PYHIN1: variants seen among roughly 807,000 people sequenced by gnomAD.
The protein encoded by PYHIN1 is pyrin and HIN domain family member 1.
Under a neutral mutation model 43.7 loss-of-function variants are expected in PYHIN1, and 32 were observed. The observed-to-expected ratio is 0.73, with a 90% CI of 0.55 to 0.98. The LOEUF (loss-of-function observed/expected upper bound fraction) is 0.98, where lower values mean the gene tolerates loss of function less well. Among genes scored for constraint, PYHIN1 ranks in the 50% least tolerant of loss-of-function variants. The pLI, the probability that PYHIN1 is intolerant of heterozygous loss-of-function variation, is 0.00. For missense variants in PYHIN1, 588 were observed against 589.5 expected (o/e 1.00, Z 0.03); for synonymous variants, 205 against 203.1 (o/e 1.01, Z -0.08).
rs546611199 is a variant in PYHIN1, at chr1:158,947,283, T to C, written c.1359+2241T>C. Among the ~76,000 whole-genome samples, 4 of 152,352 alleles carry C rather than the reference T, an allele frequency of 2.6e-5. No homozygotes were observed. The South Asian group carries it at 8.3e-4, about 32-fold the overall frequency. ...ACTCAAGAGGATTACTGTCTTTTGTTGGTCCAGGTGTAGAGAGAGATTGTG... is the reference window on the plus strand; with the variant it reads ...ACTCAAGAGGATTACTGTCTTTTGTCGGTCCAGGTGTAGAGAGAGATTGTG... On this transcript the variant is annotated intron_variant, in intron 7 of 8. Transcript: ENST00000368140.
In PYHIN1 at chr1:158,953,497, A is replaced by G. The variant is rs549424145; in HGVS notation, c.1359+8455A>G. The stretch of plus-strand genomic sequence containing the variant: ...CACCCCCCAGCAGGGGCACACTGAC[A>G]CCTCACACGGCAGGGTACTCCAACA... On this transcript the variant is annotated intron_variant, in intron 7 of 8. Coordinates refer to ENST00000368140, the MANE Select transcript of PYHIN1 (RefSeq NM_152501.5). Among the ~76,000 whole-genome samples the G allele has an allele frequency of 1.3e-4, 19 of 150,332 alleles. 1 individual carries two copies. The East Asian group carries it at 3.7e-3, about 29-fold the overall frequency.
At chr1:158,968,078 A>G (rs1650729854) in intron 7 of PYHIN1, among the ~76,000 whole-genome samples, 1 of 151,944 alleles carries the variant, frequency 6.6e-6, no homozygotes, top group Admixed American at 6.6e-5. Context: ...TACAACATAA[A>G]GAAAAAATGA....
chr1:158,969,213 T>TA (rs1221371259), intron 7 of PYHIN1, among the ~76,000 whole-genome samples: 3 of 152,000 alleles, frequency 2.0e-5, no homozygotes, highest in African/African-American at 7.2e-5. Flanking sequence ...CAGACATCGT[T>TA]ATGGTTTGAG....
chr1:158,964,825 G>A (rs1057509529), intron 7 of PYHIN1, among the ~76,000 whole-genome samples: 3 of 152,032 alleles, frequency 2.0e-5, no homozygotes, highest in African/African-American at 7.2e-5. Flanking sequence ...AGCAACCACA[G>A]AAACAAGTCT....
At chr1:158,972,817 G>A (rs1483721538) in intron 7 of PYHIN1, among the ~76,000 whole-genome samples, 3 of 151,988 alleles carry the variant, frequency 2.0e-5, no homozygotes, top group African/African-American at 7.3e-5. Context: ...ATCTCTTTGT[G>A]TCCTTCACAT....
chr1:158,973,002 G>C (rs1651022434), intron 7 of PYHIN1, among the ~76,000 whole-genome samples: 3 of 152,096 alleles, frequency 2.0e-5, no homozygotes, highest in South Asian at 4.1e-4. Flanking sequence ...TTACTTACCA[G>C]TAAGTTGGAC....
intron 7 of PYHIN1, among the ~76,000 whole-genome samples, chr1:158,967,452 A>G (rs1449487633): frequency 6.6e-6 from 1 of 152,086 alleles, no homozygotes; most frequent in Non-Finnish European, 1.5e-5. Flanking sequence ...AGGAACACAA[A>G]CAAATAGGAA....
chr1:158,950,350 C>T (rs1649459438), intron 7 of PYHIN1, among the ~76,000 whole-genome samples: 2 of 152,174 alleles, frequency 1.3e-5, no homozygotes, highest in African/African-American at 2.4e-5. Context: ...CAGCATCCCC[C>T]AGGTAATGTC....
intron 7 of PYHIN1, among the ~76,000 whole-genome samples, chr1:158,973,244 T>C (rs1651039804): frequency 6.6e-6 from 1 of 152,062 alleles, no homozygotes; most frequent in Non-Finnish European, 1.5e-5. Context: ...GATTTTTCTT[T>C]ATTATTTTGT....
intron 7 of PYHIN1, among the ~76,000 whole-genome samples, chr1:158,958,653 G>T (rs904364828): frequency 2.7e-5 from 4 of 150,548 alleles, no homozygotes; most frequent in African/African-American, 4.9e-5. Flanking sequence ...TATACCTAAT[G>T]GTAGATGACG....
chr1:158,970,052 T>C (rs1241431516), intron 7 of PYHIN1, among the ~76,000 whole-genome samples: 1 of 151,870 alleles, frequency 6.6e-6, no homozygotes, highest in Non-Finnish European at 1.5e-5. Flanking sequence ...ATGATATAGG[T>C]TCATTATGCT....
chr1:158,935,184 T>C (rs1156413801), intron 1 of PYHIN1, among the ~76,000 whole-genome samples: 1 of 151,738 alleles, frequency 6.6e-6, no homozygotes, highest in East Asian at 1.9e-4. Flanking sequence ...GATAGAGGAA[T>C]GTGGGAATGG....
Position 158,937,810 on chromosome 1 carries a change from G to C in PYHIN1, c.266-587G>C, listed in dbSNP as rs188649491. Among the ~76,000 whole-genome samples the C allele has an allele frequency of 4.3e-3, 655 of 152,206 alleles. 5 individuals are homozygous for C. Among genetic ancestry groups the C allele is most frequent in the Non-Finnish European group, 6.9e-3 (466 of 68,004 alleles). On this transcript the variant is annotated intron_variant, in intron 2 of 8. Coordinates refer to ENST00000368140, the MANE Select transcript of PYHIN1 (RefSeq NM_152501.5). ...AAATACAAAAAATTAGCCAGGCGTG[G>C]TGGCAGGCACCTGTAGTCCCAGCTA... is the stretch of plus-strand genomic sequence containing the variant.
At chr1:158,986,522 G>A in the PYHIN1 span, among the ~76,000 whole-genome samples, 69 of 152,258 alleles carry the variant, frequency 4.5e-4, no homozygotes, top group African/African-American at 1.6e-3. Flanking sequence ...CCATCTATGT[G>A]GGGACATGCT....
chr1:158,988,803 TAC>T, the PYHIN1 span, among the ~76,000 whole-genome samples: 3 of 152,204 alleles, frequency 2.0e-5, no homozygotes, highest in Non-Finnish European at 4.4e-5. Flanking sequence ...AGAATTTGAA[TAC>T]AAGCATTTGA....
chr1:158,984,849 A>T, the PYHIN1 span, among the ~76,000 whole-genome samples: 1 of 152,162 alleles, frequency 6.6e-6, no homozygotes, highest in Non-Finnish European at 1.5e-5. Flanking sequence ...GAATGCACAC[A>T]TCTTTAGGAT....
At chr1:158,958,785 T>TAA (rs34504261) in intron 7 of PYHIN1, among the ~76,000 whole-genome samples, 1 of 129,398 alleles carries the variant, frequency 7.7e-6, no homozygotes. Context: ...AAAAATAAAT[T>TAA]AAAAAAAAAA....
chr1:158,974,891 A>T (rs1651161521), intron 8 of PYHIN1, among the ~76,000 whole-genome samples: 1 of 152,060 alleles, frequency 6.6e-6, no homozygotes, highest in African/African-American at 2.4e-5. Flanking sequence ...AATAGACATA[A>T]TTGAACATCC....
At chr1:158,956,281 C>A (rs1649926285) in intron 7 of PYHIN1, among the ~76,000 whole-genome samples, 1 of 151,988 alleles carries the variant, frequency 6.6e-6, no homozygotes, top group African/African-American at 2.4e-5. Flanking sequence ...GATACCAAAG[C>A]CTGGCAGAGA....
Sources: allele counts gnomAD v4.1 joint callset (sites outside exome capture counted in the v4.1 genomes callset), GRCh38; gene constraint gnomAD v4.1.1; transcripts MANE v1.5; gene names NCBI Gene and HGNC (gene_info 2026-07-23, HGNC 2026-07-21).